The following AGL variants were observed in gnomAD, a reference collection of about 807,000 sequenced individuals.
The protein encoded by AGL is glycogen debranching enzyme.
AGL carries 128 observed loss-of-function variants against 199.3 expected under a neutral mutation model. The ratio of observed to expected loss-of-function variants is 0.64; its 90% CI spans 0.56 to 0.74. AGL has a LOEUF of 0.74. Among genes scored for constraint, AGL ranks in the 30% least tolerant of loss-of-function variants. AGL has a pLI of 0.00. For missense variants in AGL, 1,809 were observed against 1,820.8 expected, an observed-to-expected ratio of 0.99 and a Z score of 0.12; for synonymous variants, 584 against 594.7, an observed-to-expected ratio of 0.98 and a Z score of 0.26.
At chr1:99,890,645 AAAAAAATAT>A (rs1652813624) in intron 21 of AGL, among the ~76,000 whole-genome samples, 1 of 97,484 alleles carries the variant, frequency 1.0e-5, no homozygotes, top group South Asian at 3.6e-4. Context: ...GATTAAGAAA[AAAAAAATAT>A]ATATATATAT....
At chr1:99,893,364 A>T (rs543685531) in intron 24 of AGL, among the ~76,000 whole-genome samples, 2 of 152,218 alleles carry the variant, frequency 1.3e-5, no homozygotes, top group Non-Finnish European at 2.9e-5. Context: ...TTACCTTTCC[A>T]TTAAAAATGT....
Position 99,861,693 on chromosome 1 carries a change from T to G in AGL, c.273T>G (p.Phe91Leu). ...TTAATCTGCAACAATCTGGTTCATT[T>G]CAGTATTATTTCCTTCAAGGGTAAG... Reference protein sequence around the residue: ...CKLNLQQSGSFQYYFLQGNEK... With the variant: ...CKLNLQQSGSLQYYFLQGNEK... Residue 91 changes from phenylalanine to leucine, a missense_variant, in exon 3 of 34, where the codon TTT becomes TTG. Coordinates refer to ENST00000361915, the MANE Select transcript of AGL (RefSeq NM_000642.3). 2 of 1,613,736 alleles carry G rather than the reference T, an allele frequency of 1.2e-6. No individual in the cohort carries two copies. Among genetic ancestry groups the G allele is most frequent in the Non-Finnish European group, 1.7e-6 (2 of 1,179,734 alleles).
At chr1:99,878,527 T>G (rs979242190) in intron 12 of AGL, among the ~76,000 whole-genome samples, 1 of 152,070 alleles carries the variant, frequency 6.6e-6, no homozygotes, top group Non-Finnish European at 1.5e-5. Flanking sequence ...ATACTTATAG[T>G]ATTAACTTCT....
chr1:99,851,878 G>A (rs1571207417), intron 2 of AGL, among the ~76,000 whole-genome samples: 1 of 150,686 alleles, frequency 6.6e-6, no homozygotes, highest in Non-Finnish European at 1.5e-5. Context: ...TTTCGCTAAT[G>A]TTTTAAGAAT....
At chr1:99,890,842 A>G (rs1652833814) in intron 21 of AGL, among the ~76,000 whole-genome samples, 1 of 152,120 alleles carries the variant, frequency 6.6e-6, no homozygotes, top group Admixed American at 6.6e-5. Context: ...TTCAACATGA[A>G]AAAATACAGG....
chr1:99,898,730 G>A (rs1192256319), intron 25 of AGL, among the ~76,000 whole-genome samples: 1 of 152,128 alleles, frequency 6.6e-6, no homozygotes, highest in Non-Finnish European at 1.5e-5. Context: ...GAGGCAAGCA[G>A]AGAGGGAAAG....
intron 27 of AGL, among the ~76,000 whole-genome samples, chr1:99,906,291 A>T (rs1328213347): frequency 6.6e-6 from 1 of 152,222 alleles, no homozygotes; most frequent in African/African-American, 2.4e-5. Context: ...TCAATACATA[A>T]GAGTTGTACA....
rs1652970176 is a variant in AGL, at chr1:99,892,440, A to G, written c.3092A>G (p.Gln1031Arg). The change falls in exon 24 of 34, where the codon CAG (glutamine) becomes CGG (arginine). Residue 1031 changes from glutamine to arginine, a missense_variant. Coordinates refer to ENST00000361915, the MANE Select transcript of AGL (RefSeq NM_000642.3). ...AATCACTTTTGTTACAGCTTTGTTC[A>G]GAATGGTTCAACCTTTGTGAAACAC... ...TAWKQMSSFV[Q>R]NGSTFVKHLS... 6.2e-7 allele frequency: 1 copy of G among 1,613,524 alleles called. No homozygotes were observed. The highest frequency in any genetic ancestry group is 1.3e-5 in the African/African-American group (1 of 75,018).
intron 30 of AGL, among the ~76,000 whole-genome samples, chr1:99,915,067 A>G (rs1456005029): frequency 6.6e-6 from 1 of 152,138 alleles, no homozygotes; most frequent in African/African-American, 2.4e-5. Flanking sequence ...TGACAGAGTG[A>G]GACCCTGTCT....
intron 24 of AGL, among the ~76,000 whole-genome samples, chr1:99,894,238 C>G (rs1184487488): frequency 6.6e-6 from 1 of 151,758 alleles, no homozygotes; most frequent in African/African-American, 2.4e-5. Context: ...AATTAGAAAT[C>G]ACTTAGAAGA....
chr1:99,882,758 C>T (rs1652150487), intron 17 of AGL, among the ~76,000 whole-genome samples: 1 of 152,130 alleles, frequency 6.6e-6, no homozygotes, highest in Non-Finnish European at 1.5e-5. Flanking sequence ...ATAGCATGCT[C>T]CTGTTCATGC....
chr1:99,891,669 TG>T lies in AGL; in HGVS notation c.3014del (p.Cys1005PhefsTer7), dbSNP rs754653701. ...LKQIPRYLIP[C>X]YFDAILIGAY... is the part of the protein sequence containing the mutation. ...GCAGATCCCACGTTACCTTATCCCA[TG>T]TTACTTTGATGCTATATTAATTGGT... On this transcript the variant is annotated frameshift_variant, in exon 23 of 34. Transcript: ENST00000361915. LOFTEE classifies it high-confidence loss of function. 17 of 1,613,526 alleles carry T rather than the reference TG, an allele frequency of 1.1e-5. No homozygotes were observed. The highest frequency in any genetic ancestry group is 1.4e-5 in the Non-Finnish European group (16 of 1,179,648).
chr1:99,878,462 A>G (rs1026063001), intron 12 of AGL, among the ~76,000 whole-genome samples: 2 of 152,268 alleles, frequency 1.3e-5, no homozygotes, highest in African/African-American at 4.8e-5. Flanking sequence ...AAGTGTAAAC[A>G]TAAACATTGT....
chr1:99,881,209 A>G, intron 15 of AGL, 32 bp downstream of exon 15: 5 of 1,612,786 alleles, frequency 3.1e-6, no homozygotes, highest in Non-Finnish European at 4.2e-6. Flanking sequence ...TAAAACCTAC[A>G]TGGCCAACAA....
chr1:99,863,793 C>G (rs1347477391), intron 4 of AGL, among the ~76,000 whole-genome samples: 1 of 138,044 alleles, frequency 7.2e-6, no homozygotes, highest in African/African-American at 2.7e-5. Flanking sequence ...GTCACCCAGA[C>G]TGGAGTGCAG....
At position 99,910,753 on chromosome 1, in the gene AGL, G is replaced by GT; in HGVS notation, c.3745dup (p.Tyr1249LeufsTer14). On this transcript the variant is annotated frameshift_variant, in exon 28 of 34. Transcript: ENST00000361915. LOFTEE classifies it high-confidence loss of function. ...AGGAGTTGATGAAGAAACAGGATTT[G>GT]TTTATGGAGGAAATCGTTTCAATTG... 6.2e-7 allele frequency: 1 copy of GT among 1,611,672 alleles called. No individual in the cohort carries two copies. Among genetic ancestry groups the GT allele is most frequent in the Non-Finnish European group, 8.5e-7 (1 of 1,178,090 alleles).
At chr1:99,873,654 G>A (rs533279252) in intron 7 of AGL, among the ~76,000 whole-genome samples, 2 of 152,144 alleles carry the variant, frequency 1.3e-5, no homozygotes, top group East Asian at 1.9e-4. Flanking sequence ...GGCTGGTCTC[G>A]ATCTCTTGAC....
chr1:99,888,448 A>G (rs1056029680), intron 21 of AGL, among the ~76,000 whole-genome samples: 1 of 152,202 alleles, frequency 6.6e-6, no homozygotes, highest in Non-Finnish European at 1.5e-5. Flanking sequence ...AGGTCTGTAT[A>G]GCTCTTTATG....
intron 33 of AGL, among the ~76,000 whole-genome samples, chr1:99,919,892 ACTCC>A (rs912259463): frequency 5.3e-5 from 8 of 151,610 alleles, no homozygotes; most frequent in Non-Finnish European, 1.2e-4. Flanking sequence ...CCCTTGGTGG[ACTCC>A]CTCTTCATAC....
Sources: allele counts gnomAD v4.1 joint callset (sites outside exome capture counted in the v4.1 genomes callset), GRCh38; gene constraint gnomAD v4.1.1; transcripts MANE v1.5; gene names NCBI Gene and HGNC (gene_info 2026-07-23, HGNC 2026-07-21).